COL25A1: variants seen among roughly 807,000 people sequenced by gnomAD.
COL25A1 encodes collagen alpha-1(XXV) chain.
A neutral mutation model predicts 128.4 loss-of-function variants in COL25A1; 103 were observed. The observed-to-expected ratio is 0.80, with a 90% CI of 0.68 to 0.94. The LOEUF (loss-of-function observed/expected upper bound fraction) is 0.94. Ranked by LOEUF, COL25A1 falls within the 40% of genes least tolerant of loss-of-function variation. COL25A1 has a pLI of 0.00. For missense variants in COL25A1, 745 were observed against 840.0 expected (o/e 0.89, Z 1.40); for synonymous variants, 279 against 277.2 (o/e 1.01, Z -0.06).
At chr4:109,126,221 T>A (rs1768589551) in intron 3 of COL25A1, among the ~76,000 whole-genome samples, 1 of 152,226 alleles carries the variant, frequency 6.6e-6, no homozygotes, top group Non-Finnish European at 1.5e-5. Flanking sequence ...ACTTTCTTGA[T>A]AAATGTTGAC....
chr4:109,301,311 A>G (rs1725501811), intron 2 of COL25A1, among the ~76,000 whole-genome samples: 1 of 152,198 alleles, frequency 6.6e-6, no homozygotes, highest in East Asian at 1.9e-4. Flanking sequence ...AAGAGTGATT[A>G]CCTTTTTTAT....
At chr4:108,937,967 G>A in intron 10 of COL25A1, 124 bp from the exon 11 acceptor site, 1 of 696,448 alleles carries the variant, frequency 1.4e-6, no homozygotes. Context: ...GTTAAATAGA[G>A]GAATGTAGCA....
At chr4:109,011,826 A>G (rs1259272893) in intron 5 of COL25A1, among the ~76,000 whole-genome samples, 1 of 152,220 alleles carries the variant, frequency 6.6e-6, no homozygotes, top group Non-Finnish European at 1.5e-5. Flanking sequence ...AACACTCTCA[A>G]CTTGCCAACC....
chr4:109,030,194 G>A (rs1247986541), intron 5 of COL25A1, among the ~76,000 whole-genome samples: 7 of 152,082 alleles, frequency 4.6e-5, no homozygotes, highest in African/African-American at 1.2e-4. Context: ...ATCATTTCAC[G>A]GAAGTCAACA....
At chr4:108,926,810 T>C (rs561731108) in intron 11 of COL25A1, among the ~76,000 whole-genome samples, 66 of 152,096 alleles carry the variant, frequency 4.3e-4, no homozygotes, top group Non-Finnish European at 7.6e-4. Flanking sequence ...CTCTAGCCAC[T>C]ATTATATGTA....
At chr4:109,211,238 A>G (rs201074434) in intron 3 of COL25A1, among the ~76,000 whole-genome samples, 1 of 136,930 alleles carries the variant, frequency 7.3e-6, no homozygotes, top group Non-Finnish European at 1.6e-5. Context: ...GTGTGTATGT[A>G]TATATATGAA....
chr4:109,068,240 A>G (rs1456298409), intron 3 of COL25A1, among the ~76,000 whole-genome samples: 1 of 152,228 alleles, frequency 6.6e-6, no homozygotes, highest in African/African-American at 2.4e-5. Flanking sequence ...AGGCTCCCCA[A>G]ACTCAACACA....
At chr4:109,080,653 G>A (rs1298315474) in intron 3 of COL25A1, among the ~76,000 whole-genome samples, 1 of 152,094 alleles carries the variant, frequency 6.6e-6, no homozygotes, top group Non-Finnish European at 1.5e-5. Flanking sequence ...TGAACCCGGG[G>A]TTCTAATGAG....
chr4:108,897,683 A>T (rs1486427161), intron 15 of COL25A1, among the ~76,000 whole-genome samples: 1 of 152,238 alleles, frequency 6.6e-6, no homozygotes, highest in Non-Finnish European at 1.5e-5. Flanking sequence ...CTATTCACAT[A>T]TTCCATAGGC....
chr4:108,847,378 T>C (rs1387310250), intron 27 of COL25A1, among the ~76,000 whole-genome samples: 1 of 152,072 alleles, frequency 6.6e-6, no homozygotes, highest in Admixed American at 6.6e-5. Context: ...TTAAAACCGA[T>C]GGAGAAAAAT....
At chr4:109,080,455 G>A (rs923157349) in intron 3 of COL25A1, among the ~76,000 whole-genome samples, 4 of 152,054 alleles carry the variant, frequency 2.6e-5, no homozygotes, top group South Asian at 2.1e-4. Context: ...GTAGGACTCC[G>A]TAAGTCTGTG....
intron 11 of COL25A1, among the ~76,000 whole-genome samples, chr4:108,932,114 T>C (rs1006165734): frequency 1.3e-5 from 2 of 152,174 alleles, no homozygotes; most frequent in Admixed American, 1.3e-4. Context: ...AAGTCTGCTG[T>C]TGTCTTCAGT....
At chr4:108,921,996 T>C (rs1435179559) in intron 11 of COL25A1, among the ~76,000 whole-genome samples, 2 of 152,114 alleles carry the variant, frequency 1.3e-5, no homozygotes, top group Non-Finnish European at 2.9e-5. Context: ...TGTACCTCTT[T>C]CCTGTATCAG....
chr4:109,057,421 ATTTTT>A (rs776941019), intron 3 of COL25A1, among the ~76,000 whole-genome samples: 5 of 20,238 alleles, frequency 2.5e-4, no homozygotes, highest in African/African-American at 3.5e-4. Context: ...TGCCTAGCTA[ATTTTT>A]TTTTTTTTTT....
At chr4:109,064,178 G>A (rs1024999950) in intron 3 of COL25A1, among the ~76,000 whole-genome samples, 2 of 152,156 alleles carry the variant, frequency 1.3e-5, no homozygotes, top group African/African-American at 4.8e-5. Flanking sequence ...AGATCCCTCT[G>A]CCATTAACGT....
intron 3 of COL25A1, among the ~76,000 whole-genome samples, chr4:109,239,309 T>C (rs1403440378): frequency 1.4e-5 from 2 of 147,614 alleles, no homozygotes; most frequent in African/African-American, 4.9e-5. Flanking sequence ...AATATTATAT[T>C]TATATTATAG....
chr4:108,942,316 C>T (rs764731877), intron 8 of COL25A1: 4 of 1,511,040 alleles, frequency 2.6e-6, no homozygotes, highest in South Asian at 2.4e-5. Context: ...AAACGTCACA[C>T]AGACATTTCA....
intron 5 of COL25A1, among the ~76,000 whole-genome samples, chr4:109,031,945 G>A (rs990650017): frequency 6.6e-6 from 1 of 152,138 alleles, no homozygotes; most frequent in Non-Finnish European, 1.5e-5. Context: ...ACAGATCATT[G>A]TCTCAATTCA....
intron 3 of COL25A1, among the ~76,000 whole-genome samples, chr4:109,102,516 T>C (rs1765992669): frequency 6.6e-6 from 1 of 152,128 alleles, no homozygotes; most frequent in African/African-American, 2.4e-5. Flanking sequence ...ATCAAGTTGG[T>C]TGATAATATT....
Sources: gnomAD v4.1 joint callset for allele counts (sites outside exome capture counted in the v4.1 genomes callset) on GRCh38, gnomAD v4.1.1 for gene constraint, MANE v1.5 for transcripts, NCBI Gene and HGNC (gene_info 2026-07-23, HGNC 2026-07-21) for gene names.